ITPRID1: variants seen among roughly 807,000 people sequenced by gnomAD.
ITPRID1 encodes ITPR interacting domain containing 1.
In ITPRID1, 96 loss-of-function variants were observed where a neutral mutation model predicts 95.4. That is an observed-to-expected ratio of 1.01 (90% CI 0.85 to 1.19). ITPRID1 has a LOEUF of 1.19. Among genes scored for constraint, ITPRID1 ranks in the 50% most tolerant of loss-of-function variants. The probability of loss-of-function intolerance (pLI) is 0.00; values close to 1 mark genes in which losing one functional copy is unlikely to be tolerated. For synonymous variants in ITPRID1, 510 were observed against 453.6 expected (o/e 1.12, Z -1.58); for missense variants, 1,339 against 1,252.9 (o/e 1.07, Z -1.04).
At chr7:31,638,624 A>C (rs1789710367) in intron 10 of ITPRID1, among the ~76,000 whole-genome samples, 1 of 152,186 alleles carries the variant, frequency 6.6e-6, no homozygotes, top group Non-Finnish European at 1.5e-5. Context: ...TAAAGATGTT[A>C]CTCAACTGTC....
At chr7:31,569,324 TGA>T (rs1784903828) in intron 5 of ITPRID1, among the ~76,000 whole-genome samples, 1 of 152,170 alleles carries the variant, frequency 6.6e-6, no homozygotes, top group African/African-American at 2.4e-5. Context: ...TCCTGTACCA[TGA>T]GAGAGCATCC....
At chr7:31,658,234 A>G (rs1484013476), downstream of ITPRID1, 1 of 1,467,732 alleles carries the variant, frequency 6.8e-7, no homozygotes, top group Non-Finnish European at 9.0e-7. Flanking sequence ...AAAATGTTGC[A>G]TTAGGTTTTG....
Position 31,583,119 on chromosome 7 carries a change from AT to A in ITPRID1, c.1171-11del, listed in dbSNP as rs1487970464. On this transcript the variant is annotated splice_polypyrimidine_tract_variant and intron_variant, in intron 9 of 14. Coordinates refer to ENST00000615280, the MANE Select transcript of ITPRID1 (RefSeq NM_001257967.3). ...ACAAAATTTCTAATGACATTGATGC[AT>A]TTTGATATCTTAGGTCCAAAGCTTT... The A allele has an allele frequency of 3.8e-6, 6 of 1,596,534 alleles. 1 individual carries two copies. The Middle Eastern group carries it at 5.0e-4, about 133-fold the overall frequency.
intron 10 of ITPRID1, among the ~76,000 whole-genome samples, chr7:31,604,335 G>T (rs183085588): frequency 6.6e-6 from 1 of 152,110 alleles, no homozygotes. Flanking sequence ...ATTCAGCAAG[G>T]GTGTAACTGA....
intron 10 of ITPRID1, among the ~76,000 whole-genome samples, chr7:31,606,116 G>A (rs184263698): frequency 1.3e-5 from 2 of 152,100 alleles, no homozygotes; most frequent in Admixed American, 1.3e-4. Context: ...GAGTTTCAAA[G>A]TTCTGTGTTT....
In ITPRID1 at chr7:31,643,190, ACAAGTTCCTT is replaced by A. The variant is rs1267310069; in HGVS notation, c.1823_1832del (p.Lys608MetfsTer67). The A allele has an allele frequency of 1.2e-6, 2 of 1,613,882 alleles. No homozygotes were observed. Among genetic ancestry groups the A allele is most frequent in the East Asian group, 4.5e-5 (2 of 44,886 alleles). On this transcript the variant is annotated frameshift_variant, in exon 12 of 15. Transcript: ENST00000615280. LOFTEE classifies it high-confidence loss of function. ...TCACCTGGAAATGATCATACTCAAG[ACAAGTTCCTT>A]CATGTTGACTCTGAGGCCCCACGAG...
intron 10 of ITPRID1, among the ~76,000 whole-genome samples, chr7:31,628,348 C>T (rs1446402302): frequency 6.6e-6 from 1 of 152,026 alleles, no homozygotes; most frequent in South Asian, 2.1e-4. Context: ...AGCCAACAAA[C>T]GACTGGTCTC....
chr7:31,577,719 T>C (rs1455572077), intron 8 of ITPRID1, 144 bp from the exon 9 acceptor site: 8 of 639,480 alleles, frequency 1.3e-5, no homozygotes, highest in Non-Finnish European at 2.1e-5. Context: ...TGGCATATAC[T>C]GAGAAAAACT....
intron 10 of ITPRID1, among the ~76,000 whole-genome samples, chr7:31,617,733 A>ATACTC (rs913638144): frequency 6.6e-6 from 1 of 152,196 alleles, no homozygotes; most frequent in Non-Finnish European, 1.5e-5. Context: ...TTTAAGGATA[A>ATACTC]TACTCTACCT....
intron 10 of ITPRID1, among the ~76,000 whole-genome samples, chr7:31,630,527 G>A (rs987884396): frequency 4.6e-5 from 7 of 152,130 alleles, no homozygotes; most frequent in African/African-American, 1.2e-4. Context: ...TAAAGATTCT[G>A]AGGCTGAATT....
At chr7:31,622,986 A>G (rs1388348234) in intron 10 of ITPRID1, among the ~76,000 whole-genome samples, 1 of 152,232 alleles carries the variant, frequency 6.6e-6, no homozygotes, top group East Asian at 1.9e-4. Context: ...ATCTACGCCA[A>G]TAAACTAGAA....
chr7:31,599,082 C>T (rs1469410995), intron 10 of ITPRID1, among the ~76,000 whole-genome samples: 1 of 152,102 alleles, frequency 6.6e-6, no homozygotes, highest in Non-Finnish European at 1.5e-5. Flanking sequence ...AAGAAATCTT[C>T]ACATATATGC....
intron 10 of ITPRID1, among the ~76,000 whole-genome samples, chr7:31,635,303 T>C (rs1455350787): frequency 6.6e-6 from 1 of 152,212 alleles, no homozygotes; most frequent in African/African-American, 2.4e-5. Flanking sequence ...ATTTTTAGCC[T>C]CTTGAAGAAA....
chr7:31,574,282 C>A (rs1785096987), intron 7 of ITPRID1, among the ~76,000 whole-genome samples: 1 of 151,846 alleles, frequency 6.6e-6, no homozygotes, highest in Non-Finnish European at 1.5e-5. Context: ...GTATAATTTA[C>A]CATGTGCCTG....
At chr7:31,545,418 G>T (rs971408807) in intron 1 of ITPRID1, among the ~76,000 whole-genome samples, 1 of 152,014 alleles carries the variant, frequency 6.6e-6, no homozygotes, top group East Asian at 1.9e-4. Flanking sequence ...GGCAAGAGGA[G>T]AAATGTTGGA....
chr7:31,559,527 T>C (rs1784559327), intron 5 of ITPRID1, among the ~76,000 whole-genome samples: 1 of 152,060 alleles, frequency 6.6e-6, no homozygotes, highest in Admixed American at 6.6e-5. Context: ...TAGCCTGATA[T>C]GGTGGTGCAC....
At chr7:31,574,414 C>A in intron 7 of ITPRID1, 126 bp from the exon 8 acceptor site, 1 of 816,094 alleles carries the variant, frequency 1.2e-6, no homozygotes, top group Non-Finnish European at 2.0e-6. Flanking sequence ...CTAGTGCACG[C>A]ACCGTTTGTC....
chr7:31,541,236 C>T (rs1199924656), intron 1 of ITPRID1, among the ~76,000 whole-genome samples: 1 of 152,164 alleles, frequency 6.6e-6, no homozygotes, highest in African/African-American at 2.4e-5. Flanking sequence ...AAAGATCACT[C>T]CAGTCTCCTA....
Position 31,537,981 on chromosome 7 carries a change from C to G in ITPRID1, c.-97-11445C>G, listed in dbSNP as rs1006016369. On this transcript the variant is annotated intron_variant, in intron 1 of 14. Transcript: ENST00000615280. The stretch of plus-strand genomic sequence containing the variant: ...GTCACTATTATTTTCAATGGATGCA[C>G]AGTATTCCATCAGGTAAAAATCTAT... Among the ~76,000 whole-genome samples, 9 of 152,262 alleles carry G rather than the reference C, an allele frequency of 5.9e-5. No individual in the cohort carries two copies. In the East Asian group the frequency reaches 1.5e-3, roughly 26 times the overall value.
Sources: allele counts gnomAD v4.1 joint callset (sites outside exome capture counted in the v4.1 genomes callset), GRCh38; gene constraint gnomAD v4.1.1; transcripts MANE v1.5; gene names NCBI Gene and HGNC (gene_info 2026-07-23, HGNC 2026-07-21).